Variants in EVC2 observed in about 807,000 individuals in gnomAD.
EVC2 encodes the protein limbin.
A neutral mutation model predicts 149.3 loss-of-function variants in EVC2; 148 were observed. The ratio of observed to expected loss-of-function variants is 0.99; its 90% CI spans 0.87 to 1.14. EVC2 has a LOEUF of 1.14. Among genes scored for constraint, EVC2 ranks in the 50% most tolerant of loss-of-function variants. EVC2 has a pLI of 0.00. For missense variants in EVC2, 1,854 were observed against 1,627.3 expected, an observed-to-expected ratio of 1.14 and a Z score of -2.40; for synonymous variants, 776 against 649.9, an observed-to-expected ratio of 1.19 and a Z score of -2.95.
intron 16 of EVC2, among the ~76,000 whole-genome samples, chr4:5,610,653 C>A (rs984176166): frequency 6.6e-6 from 1 of 152,092 alleles, no homozygotes; most frequent in Non-Finnish European, 1.5e-5. Flanking sequence ...CCTCCAGCTC[C>A]CTTCACCTCC....
Position 5,568,574 on chromosome 4 carries a change from G to A in EVC2, c.3427C>T (p.Leu1143=). The change falls in exon 20 of 22, where the codon CTG becomes TTG. Residue 1143 remains leucine, a synonymous_variant. Transcript: ENST00000344408. ...GAGGCTGTGGGCAGTACCACACTCA[G>A]GAGCCGGCGAAGCGTGGCCCCGGGC... ...MVPGATLRRL[L]SVVLPTASQP... is the part of the protein sequence containing the mutation. 6.2e-7 allele frequency: 1 copy of A among 1,607,384 alleles called. No homozygotes were observed. Among genetic ancestry groups the A allele is most frequent in the Non-Finnish European group, 8.5e-7 (1 of 1,179,488 alleles).
chr4:5,567,312 C>T lies in EVC2; in HGVS notation c.3557+1132G>A, dbSNP rs1054722904. 6.6e-6 allele frequency among the ~76,000 whole-genome samples: 1 copy of T among 152,176 alleles called. No homozygotes were observed. The highest frequency in any genetic ancestry group is 6.5e-5 in the Admixed American group (1 of 15,288). ...CCCTCCCCCTCACCCTGGTCAGACT[C>T]TATTCACCCTCAGCAGCGCTTCTTG... On this transcript the variant is annotated intron_variant, in intron 20 of 21. Transcript: ENST00000344408. This position sits in a 1 kb window ranked among gnomAD's most constrained non-coding sequence, Gnocchi z 4.4.
At chr4:5,703,996 A>G (rs551695954) in intron 1 of EVC2, among the ~76,000 whole-genome samples, 1 of 152,268 alleles carries the variant, frequency 6.6e-6, no homozygotes, top group East Asian at 1.9e-4. Flanking sequence ...GAACACACCC[A>G]GGGTGTTCAA....
At chr4:5,606,376 A>G (rs1330701196) in intron 16 of EVC2, among the ~76,000 whole-genome samples, 1 of 152,224 alleles carries the variant, frequency 6.6e-6, no homozygotes, top group Non-Finnish European at 1.5e-5. Flanking sequence ...TTAGAAATCA[A>G]TAATAAATCA....
chr4:5,559,863 C>T (rs188537556), downstream of EVC2, among the ~76,000 whole-genome samples: 378 of 152,144 alleles, frequency 2.5e-3, no homozygotes, highest in African/African-American at 8.6e-3. This position sits in a 1 kb window ranked among gnomAD's most constrained non-coding sequence, Gnocchi z 5.0. Context: ...GACACTTTGC[C>T]CTCAAGGAGG....
At chr4:5,707,035 G>C (rs1722247384) in intron 1 of EVC2, among the ~76,000 whole-genome samples, 1 of 152,142 alleles carries the variant, frequency 6.6e-6, no homozygotes, top group African/African-American at 2.4e-5. Flanking sequence ...TGGCTTCCCA[G>C]AAGGAAGAGC....
In EVC2 at chr4:5,577,727, C is replaced by T. The variant is rs113962855; in HGVS notation, c.3058-1273G>A. Among the ~76,000 whole-genome samples the T allele has an allele frequency of 3.3e-3, 500 of 152,286 alleles. 2 individuals are homozygous for T. The highest frequency in any genetic ancestry group is 0.011 in the African/African-American group (466 of 41,562). ...CGCACGGAGAACCTTCTATCCCCCC[C>T]AAGCATTTGGGTGCTGGGCCTTCGA... On this transcript the variant is annotated intron_variant, in intron 17 of 21. Coordinates refer to ENST00000344408, the MANE Select transcript of EVC2 (RefSeq NM_147127.5).
At chr4:5,668,769 A>G (rs1719442057) in intron 7 of EVC2, among the ~76,000 whole-genome samples, 1 of 152,328 alleles carries the variant, frequency 6.6e-6, no homozygotes, top group Non-Finnish European at 1.5e-5. Context: ...GGGATTAACA[A>G]TTTTGATCAC....
At chr4:5,697,523 G>C in intron 2 of EVC2, 70 bp downstream of exon 2, 1 of 1,474,878 alleles carries the variant, frequency 6.8e-7, no homozygotes, top group Non-Finnish European at 9.5e-7. Context: ...GGAGCTGGAG[G>C]AAGGAGGGCT....
At chr4:5,573,982 T>G in intron 19 of EVC2, among the ~76,000 whole-genome samples, 1 of 152,164 alleles carries the variant, frequency 6.6e-6, no homozygotes, top group Non-Finnish European at 1.5e-5. Flanking sequence ...GCTCTGAAAG[T>G]TATTGCAGCT....
intron 16 of EVC2, among the ~76,000 whole-genome samples, chr4:5,606,057 G>T (rs748707565): frequency 6.6e-6 from 1 of 152,220 alleles, no homozygotes; most frequent in Non-Finnish European, 1.5e-5. Flanking sequence ...AACCACAGCA[G>T]AGGTTAGGAG....
chr4:5,701,722 TG>T (rs1158448202), intron 1 of EVC2, among the ~76,000 whole-genome samples: 8 of 152,200 alleles, frequency 5.3e-5, no homozygotes, highest in African/African-American at 1.9e-4. Context: ...CTAAGAGACA[TG>T]TCGAACTCAA....
At chr4:5,650,854 T>G (rs977372506) in intron 9 of EVC2, among the ~76,000 whole-genome samples, 1 of 152,164 alleles carries the variant, frequency 6.6e-6, no homozygotes, top group Non-Finnish European at 1.5e-5. Flanking sequence ...CCATCTGTCC[T>G]ACTGTCTCAA....
Position 5,666,111 on chromosome 4 carries a change from C to T in EVC2, c.871-462G>A, listed in dbSNP as rs144348084. On this transcript the variant is annotated intron_variant, in intron 7 of 21. Transcript: ENST00000344408. ...TTAAATAATTAAACCCCAATTTTTA[C>T]GGTATTATATTTAGAGAAAATCTCT... 7.4e-4 allele frequency among the ~76,000 whole-genome samples: 113 copies of T among 152,122 alleles called. No homozygotes were observed. In the East Asian group the frequency reaches 0.015, roughly 21 times the overall value.
At chr4:5,652,243 G>A (rs1718197342) in intron 9 of EVC2, among the ~76,000 whole-genome samples, 1 of 152,232 alleles carries the variant, frequency 6.6e-6, no homozygotes, top group South Asian at 2.1e-4. Flanking sequence ...CCAGGAGGGA[G>A]AGGGAAGTCC....
chr4:5,650,250 CA>C (rs1258561037), intron 9 of EVC2, among the ~76,000 whole-genome samples: 1 of 152,052 alleles, frequency 6.6e-6, no homozygotes, highest in Non-Finnish European at 1.5e-5. Flanking sequence ...CAGACTATGA[CA>C]GAAGGCTCAG....
rs1212989007 is a variant in EVC2, at chr4:5,628,711, G to C, written c.1734C>G (p.Asp578Glu). Residue 578 changes from aspartate to glutamate, a missense_variant, in exon 12 of 22, where the codon GAC becomes GAG. By Grantham distance (45) the Asp-to-Glu change is conservative. Transcript: ENST00000344408. ...KIQENVEELMDFFQASKRYHL... is the reference protein window; with the variant it reads ...KIQENVEELMEFFQASKRYHL... ...GATACCTCTTACTAGCCTGGAAAAA[G>C]TCCATTAACTCTTCTACATTCTCCT... The C allele has an allele frequency of 1.9e-5, 31 of 1,611,664 alleles. No homozygotes were observed. Among genetic ancestry groups the C allele is most frequent in the Non-Finnish European group, 2.5e-5 (30 of 1,179,774 alleles).
At chr4:5,612,165 T>C (rs779372625) in intron 16 of EVC2, among the ~76,000 whole-genome samples, 42 of 152,222 alleles carry the variant, frequency 2.8e-4, no homozygotes, top group Non-Finnish European at 4.4e-4. Flanking sequence ...ACTAGCCTTG[T>C]GTAGAAAATG....
rs779023251 is a variant in EVC2, at chr4:5,631,783, G to A, written c.1710+10C>T. The A allele has an allele frequency of 6.8e-6, 11 of 1,613,370 alleles. No individual in the cohort carries two copies. The highest frequency in any genetic ancestry group is 1.7e-5 in the Admixed American group (1 of 60,002). Reference sequence around the variant, plus strand: ...ATTACTTTTCCATCACAGCGAGGCTGATGTATTACCTGTATTTTAGAATAA... The same window carrying A: ...ATTACTTTTCCATCACAGCGAGGCTAATGTATTACCTGTATTTTAGAATAA... On this transcript the variant is annotated intron_variant, in intron 11 of 21. Coordinates refer to ENST00000344408, the MANE Select transcript of EVC2 (RefSeq NM_147127.5).
Sources: gnomAD v4.1 joint callset for allele counts (sites outside exome capture counted in the v4.1 genomes callset) on GRCh38, gnomAD v4.1.1 for gene constraint, Gnocchi (gnomAD v3.1) non-coding constraint, MANE v1.5 for transcripts, NCBI Gene and HGNC (gene_info 2026-07-23, HGNC 2026-07-21) for gene names.